MXI1: variants seen among roughly 807,000 people sequenced by gnomAD.
MXI1 encodes the protein MAX interactor 1, dimerization protein, also known as max-interacting protein 1.
MXI1 carries 18 observed loss-of-function variants against 36.9 expected under a neutral mutation model. That is an observed-to-expected ratio of 0.49 (90% confidence interval 0.34 to 0.72). The LOEUF is 0.72. Ranked by LOEUF, MXI1 falls within the 30% of genes least tolerant of loss-of-function variation. MXI1 has a pLI of 0.01. For missense variants in MXI1, 304 were observed against 379.1 expected (o/e 0.80, Z 1.64); for synonymous variants, 160 against 146.7 (o/e 1.09, Z -0.65).
intron 1 of MXI1, among the ~76,000 whole-genome samples, chr10:110,215,051 T>G (rs1225540680): frequency 1.6e-5 from 2 of 125,086 alleles, no homozygotes; most frequent in South Asian, 2.6e-4. Flanking sequence ...TTGTTTTTTT[T>G]TTTTTTTTGA....
Position 110,207,758 on chromosome 10 carries a change from CG to C in MXI1, c.-48del. On this transcript the variant is annotated 5_prime_UTR_variant, in exon 1 of 6. Coordinates refer to ENST00000332674, the MANE Select transcript of MXI1 (RefSeq NM_130439.3). ...TCTCCCTGGGGGCCCGGAGCTCGGC[CG>C]GGCCGCGCAGCCCCGTTAGAGGACG... The C allele has an allele frequency of 9.0e-7, 1 of 1,113,752 alleles. No individual in the cohort carries two copies. 69.0% of individuals were successfully genotyped at this position (1,113,752 alleles called of 1,614,324 possible). A position where few individuals can be genotyped will look rare whatever the true frequency, so the allele number is the denominator to read the frequency against.
chr10:110,208,748 C>A (rs999956173), intron 1 of MXI1, among the ~76,000 whole-genome samples: 2 of 148,746 alleles, frequency 1.3e-5, no homozygotes, highest in East Asian at 2.0e-4. Context: ...CCGCCCCCCC[C>A]CCCCCAAAGA....
At chr10:110,247,141 G>C (rs1413902135) in intron 3 of MXI1, among the ~76,000 whole-genome samples, 2 of 152,170 alleles carry the variant, frequency 1.3e-5, no homozygotes, top group African/African-American at 4.8e-5. Flanking sequence ...ATTCAGTGAT[G>C]ATGAGCATTT....
At chr10:110,212,090 G>T (rs1245187249) in intron 1 of MXI1, among the ~76,000 whole-genome samples, 2 of 152,234 alleles carry the variant, frequency 1.3e-5, no homozygotes, top group African/African-American at 2.4e-5. Flanking sequence ...GAGCAGGTAA[G>T]GTCTGGAGGA....
chr10:110,285,003 A>G lies in MXI1; in HGVS notation c.*16A>G, dbSNP rs1479596844. The stretch of plus-strand genomic sequence containing the variant: ...CACTTCATAGAACCCAGCATGACAT[A>G]ACAGTGCAGGGCAAAATATTCACTG... On this transcript the variant is annotated 3_prime_UTR_variant, in exon 6 of 6. Coordinates refer to ENST00000332674, the MANE Select transcript of MXI1 (RefSeq NM_130439.3). 6.2e-7 allele frequency: 1 copy of G among 1,602,430 alleles called. No individual in the cohort carries two copies. Among genetic ancestry groups the G allele is most frequent in the Admixed American group, 1.7e-5 (1 of 57,534 alleles).
chr10:110,274,186 A>G (rs779338541), intron 3 of MXI1, among the ~76,000 whole-genome samples: 5 of 152,228 alleles, frequency 3.3e-5, no homozygotes, highest in Admixed American at 2.0e-4. Context: ...AATGATACCA[A>G]TCTACCAAAA....
At chr10:110,231,051 T>C (rs538275718) in intron 2 of MXI1, among the ~76,000 whole-genome samples, 30 of 152,308 alleles carry the variant, frequency 2.0e-4, no homozygotes, top group African/African-American at 7.2e-4. Context: ...TATTCTCAGG[T>C]ATTATATGAT....
intron 1 of MXI1, among the ~76,000 whole-genome samples, chr10:110,212,758 C>T (rs1854542623): frequency 6.6e-6 from 1 of 152,182 alleles, no homozygotes; most frequent in African/African-American, 2.4e-5. Context: ...CAATGAGGCA[C>T]TGCACTTAAA....
intron 3 of MXI1, among the ~76,000 whole-genome samples, chr10:110,260,162 C>T (rs1040581923): frequency 2.0e-4 from 31 of 151,980 alleles, no homozygotes; most frequent in African/African-American, 7.5e-4. Context: ...ACATGAGTAT[C>T]GTACCAGAAG....
intron 1 of MXI1, chr10:110,227,208 T>TGAGGGGTGCGCGCGTGG: frequency 1.2e-5 from 2 of 169,822 alleles, no homozygotes; most frequent in Non-Finnish European, 6.9e-6. Context: ...CGCGCGTGTG[T>TGAGGGGTGCGCGCGTGG]GAGGGGTGCG....
chr10:110,220,276 G>T (rs531274934), intron 1 of MXI1, among the ~76,000 whole-genome samples: 3 of 152,332 alleles, frequency 2.0e-5, no homozygotes, highest in African/African-American at 7.2e-5. Context: ...GCAGCACCGT[G>T]CATGTTGGCC....
intron 3 of MXI1, among the ~76,000 whole-genome samples, chr10:110,254,358 T>C (rs985149059): frequency 6.6e-6 from 1 of 152,210 alleles, no homozygotes; most frequent in African/African-American, 2.4e-5. Context: ...GTGTGTGTTC[T>C]GATGGCTTCA....
intron 1 of MXI1, among the ~76,000 whole-genome samples, chr10:110,221,212 G>A (rs748072884): frequency 2.1e-4 from 32 of 152,270 alleles, no homozygotes; most frequent in Admixed American, 9.8e-4. Context: ...TGGGCCCCAC[G>A]GGTTTAAAAA....
chr10:110,243,161 T>A (rs1855735996), intron 2 of MXI1, among the ~76,000 whole-genome samples: 1 of 152,056 alleles, frequency 6.6e-6, no homozygotes, highest in Admixed American at 6.6e-5. Context: ...AAAGGCACAC[T>A]GTGGTTATAA....
At chr10:110,265,072 G>C (rs1230643511) in intron 3 of MXI1, among the ~76,000 whole-genome samples, 1 of 152,110 alleles carries the variant, frequency 6.6e-6, no homozygotes, top group Non-Finnish European at 1.5e-5. Flanking sequence ...GTTTGAGTTT[G>C]GCACCTTCAA....
At chr10:110,276,730 T>C (rs1196792718) in intron 3 of MXI1, among the ~76,000 whole-genome samples, 1 of 152,166 alleles carries the variant, frequency 6.6e-6, no homozygotes, top group East Asian at 1.9e-4. Context: ...ATGTTAGTTA[T>C]TTTCATTCTA....
Position 110,283,961 on chromosome 10 carries a change from TG to T in MXI1, c.725-862del, listed in dbSNP as rs1371603968. The stretch of plus-strand genomic sequence containing the variant: ...TATACCCAGCTAATTTTTGTGTTGT[TG>T]TGTTTTTTTTGGTAGAAATGAGGTC... On this transcript the variant is annotated intron_variant, in intron 5 of 5. Transcript: ENST00000332674. 7.5e-5 allele frequency among the ~76,000 whole-genome samples: 11 copies of T among 146,788 alleles called. No homozygotes were observed. The East Asian group carries it at 9.8e-4, about 13-fold the overall frequency.
intron 3 of MXI1, among the ~76,000 whole-genome samples, chr10:110,251,976 A>C (rs1166079058): frequency 6.6e-6 from 1 of 152,098 alleles, no homozygotes; most frequent in Non-Finnish European, 1.5e-5. Context: ...GCAGTGGTGA[A>C]TTTTTGAGGC....
chr10:110,217,919 A>C (rs1271879761), intron 1 of MXI1, among the ~76,000 whole-genome samples: 1 of 152,212 alleles, frequency 6.6e-6, no homozygotes, highest in African/African-American at 2.4e-5. Flanking sequence ...ACTATGGGCC[A>C]GCACAATGCT....
Sources: allele counts gnomAD v4.1 joint callset (sites outside exome capture counted in the v4.1 genomes callset), GRCh38; gene constraint gnomAD v4.1.1; transcripts MANE v1.5; gene names NCBI Gene and HGNC (gene_info 2026-07-23, HGNC 2026-07-21).